FXYD4: variants seen among roughly 807,000 people sequenced by gnomAD.
FXYD4 encodes the protein FXYD domain containing ion transport regulator 4.
FXYD4 carries 14 observed loss-of-function variants against 18.3 expected under a neutral mutation model. That is an observed-to-expected ratio of 0.77 (90% confidence interval 0.51 to 1.20). The LOEUF (loss-of-function observed/expected upper bound fraction) is 1.20. Among genes scored for constraint, FXYD4 ranks in the 50% most tolerant of loss-of-function variants. The pLI is 0.00. For synonymous variants in FXYD4, 40 were observed against 40.5 expected (o/e 0.99, Z 0.04); for missense variants, 99 against 106.1 (o/e 0.93, Z 0.29).
At chr10:43,373,200 C>T (rs1232659669) in intron 2 of FXYD4, among the ~76,000 whole-genome samples, 1 of 152,174 alleles carries the variant, frequency 6.6e-6, no homozygotes, top group East Asian at 1.9e-4. Context: ...CTCTGGCCAC[C>T]CCAGGCCCAG....
At chr10:43,373,072 C>G (rs753846270) in intron 2 of FXYD4, among the ~76,000 whole-genome samples, 1 of 152,086 alleles carries the variant, frequency 6.6e-6, no homozygotes, top group African/African-American at 2.4e-5. Context: ...CCTGCCAGGG[C>G]TGGCAGGGGA....
At chr10:43,375,409 G>A (rs990863320) in intron 5 of FXYD4, 90 bp from the exon 6 acceptor site, 34 of 943,252 alleles carry the variant, frequency 3.6e-5, no homozygotes, top group Admixed American at 1.1e-4. Flanking sequence ...ATATGGCAGC[G>A]GCTGGCACAA....
In FXYD4 at chr10:43,376,258, C is replaced by A; in HGVS notation, c.*92C>A. On this transcript the variant is annotated 3_prime_UTR_variant, in exon 9 of 9. Transcript: ENST00000476166. The stretch of plus-strand genomic sequence containing the variant: ...AGGCCTTATCCTCAAGGAAGGACTT[C>A]TCTCCAAGGGCAGGCTGTTAGGCCC... The A allele has an allele frequency of 7.1e-7, 1 of 1,407,262 alleles. No individual in the cohort carries two copies. Among genetic ancestry groups the A allele is most frequent in the Non-Finnish European group, 1.0e-6 (1 of 998,220 alleles). 87.2% of individuals were successfully genotyped at this position (1,407,262 alleles called of 1,614,324 possible).
intron 7 of FXYD4, 74 bp downstream of exon 7, chr10:43,375,808 A>G (rs1310018907): frequency 2.0e-6 from 3 of 1,470,064 alleles, no homozygotes; most frequent in Non-Finnish European, 2.9e-6. Flanking sequence ...TGGAGAGTGG[A>G]CAGCATCCTG....
chr10:43,375,900 G>A, intron 7 of FXYD4, 132 bp from the exon 8 acceptor site: 1 of 1,222,592 alleles, frequency 8.2e-7, no homozygotes, highest in Non-Finnish European at 1.2e-6. Context: ...TCTGACCTCG[G>A]TATTGTGGGA....
At position 43,374,655 on chromosome 10, in the gene FXYD4, C is replaced by A. The variant is rs1564388860; in HGVS notation, c.97+16C>A. On this transcript the variant is annotated intron_variant, in intron 5 of 8. Transcript: ENST00000476166. ...TTCTACTATGGTAAGAGCTGATATT[C>A]CCACCCCCACCCTACCCTTGCCTAT... is the stretch of plus-strand genomic sequence containing the variant. 1.3e-6 allele frequency: 2 copies of A among 1,594,868 alleles called. No homozygotes were observed. The highest frequency in any genetic ancestry group is 4.5e-5 in the East Asian group (2 of 44,762).
chr10:43,372,485 A>G (rs1479203947), intron 1 of FXYD4, among the ~76,000 whole-genome samples: 2 of 152,026 alleles, frequency 1.3e-5, no homozygotes, highest in Non-Finnish European at 2.9e-5. Flanking sequence ...GGGTTTTGCC[A>G]TGTTGGCCAG....
rs1018219838 is a variant in FXYD4, at chr10:43,376,152, G to A, written c.256G>A (p.Ala86Thr). The A allele has an allele frequency of 3.7e-6, 6 of 1,613,734 alleles. No individual in the cohort carries two copies. Among genetic ancestry groups the A allele is most frequent in the Non-Finnish European group, 5.1e-6 (6 of 1,179,986 alleles). ...CTGCCCGCCACTCTCCGCAGGCTCTGCCACTACTTGCTGAGCACAGGACTG... is the reference window on the plus strand; with the variant it reads ...CTGCCCGCCACTCTCCGCAGGCTCTACCACTACTTGCTGAGCACAGGACTG... ...KAIPLITPGSATTC is the reference protein window; with the variant it reads ...KAIPLITPGSTTTC Residue 86 changes from alanine to threonine, a missense_variant, in exon 9 of 9, where the codon GCC (alanine) becomes ACC (threonine). Physicochemically the swap from Ala to Thr is moderately conservative, Grantham distance 58. Coordinates refer to ENST00000476166, the MANE Select transcript of FXYD4 (RefSeq NM_173160.3).
At chr10:43,375,165 T>G (rs909073563) in intron 5 of FXYD4, among the ~76,000 whole-genome samples, 1 of 151,688 alleles carries the variant, frequency 6.6e-6, no homozygotes, top group African/African-American at 2.4e-5. Context: ...TAGCTGGGAC[T>G]ACAGGCGCCT....
At chr10:43,375,021 C>CTTTT (rs964746350) in intron 5 of FXYD4, among the ~76,000 whole-genome samples, 134 of 93,556 alleles carry the variant, frequency 1.4e-3, no homozygotes, top group Non-Finnish European at 1.8e-3. Flanking sequence ...ATGTCCACTT[C>CTTTT]TTTTTTTTTT....
At chr10:43,371,793 T>C (rs1047756708) in intron 1 of FXYD4, 96 bp downstream of exon 1, 2 of 152,120 alleles carry the variant, frequency 1.3e-5, no homozygotes, top group African/African-American at 4.8e-5. Flanking sequence ...TGAGGACAGA[T>C]ATGGCTGCAG....
chr10:43,375,549 A>T lies in FXYD4; in HGVS notation c.148A>T (p.Ile50Phe), dbSNP rs1176800508. Residue 50 changes from isoleucine to phenylalanine, a missense_variant, in exon 6 of 9, where the codon ATT becomes TTT. Physicochemically the swap from Ile to Phe is conservative, Grantham distance 21. Transcript: ENST00000476166. ...ACTGATCTGCGGAGGGCTCCTGGCC[A>T]TTGCTGGGATCGCGGCAGTTCTGAG... The part of the protein sequence containing the change: ...SGLICGGLLA[I>F]AGIAAVLSGK... 6.2e-7 allele frequency: 1 copy of T among 1,613,990 alleles called. No homozygotes were observed. Among genetic ancestry groups the T allele is most frequent in the Admixed American group, 1.7e-5 (1 of 60,006 alleles).
chr10:43,374,534 C>G (rs1837845097), intron 4 of FXYD4, 32 bp downstream of exon 4: 1 of 1,613,316 alleles, frequency 6.2e-7, no homozygotes, highest in Admixed American at 1.7e-5. Context: ...CCTGCCCACT[C>G]TGCCCACATC....
chr10:43,375,668 T>G lies in FXYD4; in HGVS notation c.173-27T>G, dbSNP rs1481614890. The G allele has an allele frequency of 6.8e-6, 11 of 1,613,728 alleles. No individual in the cohort carries two copies. The East Asian group carries it at 2.5e-4, about 36-fold the overall frequency. ...AGTGCTCTCATTCCAGCACTGACCC[T>G]GGCGCTGACCCCTCTCTCTCTCCCA... On this transcript the variant is annotated intron_variant, in intron 6 of 8. Transcript: ENST00000476166.
At position 43,374,451 on chromosome 10, in the gene FXYD4, C is replaced by T; in HGVS notation, c.38-19C>T. ...AGTGTCATGAATTCCCACACATTTTCTCTGCTCCTCCCACACAGGCCTGAC... is the reference window on the plus strand; with the variant it reads ...AGTGTCATGAATTCCCACACATTTTTTCTGCTCCTCCCACACAGGCCTGAC... On this transcript the variant is annotated intron_variant, in intron 3 of 8. Coordinates refer to ENST00000476166, the MANE Select transcript of FXYD4 (RefSeq NM_173160.3). The T allele has an allele frequency of 6.2e-7, 1 of 1,613,622 alleles. No individual in the cohort carries two copies. The highest frequency in any genetic ancestry group is 8.5e-7 in the Non-Finnish European group (1 of 1,179,616).
intron 1 of FXYD4, among the ~76,000 whole-genome samples, 184 bp downstream of exon 1, chr10:43,371,881 G>A (rs996300893): frequency 6.6e-6 from 1 of 151,946 alleles, no homozygotes; most frequent in Admixed American, 6.6e-5. Context: ...ACAGAAGCCA[G>A]CCCTTGGCTA....
chr10:43,376,315 A>C lies in FXYD4; in HGVS notation c.*149A>C. The C allele has an allele frequency of 1.3e-6, 1 of 768,156 alleles. No homozygotes were observed. Among genetic ancestry groups the C allele is most frequent in the South Asian group, 1.5e-5 (1 of 64,602 alleles). The allele number at this position is 768,156 out of a possible 1,614,324, so 47.6% of individuals were successfully genotyped here. On this transcript the variant is annotated 3_prime_UTR_variant, in exon 9 of 9. Coordinates refer to ENST00000476166, the MANE Select transcript of FXYD4 (RefSeq NM_173160.3). ...GATCAGGAGGCTTCTTTATGAATTAAACTCGCCCCACCACCCCCTCCTCGG... is the reference window on the plus strand; with the variant it reads ...GATCAGGAGGCTTCTTTATGAATTACACTCGCCCCACCACCCCCTCCTCGG...
intron 2 of FXYD4, among the ~76,000 whole-genome samples, chr10:43,373,216 T>C (rs1341571031): frequency 6.6e-6 from 1 of 152,032 alleles, no homozygotes; most frequent in Non-Finnish European, 1.5e-5. Context: ...CCCAGACCTT[T>C]GGGAACAATA....
In FXYD4 at chr10:43,375,730, C is replaced by T. The variant is rs755769154; in HGVS notation, c.208C>T (p.His70Tyr). The T allele has an allele frequency of 4.5e-5, 73 of 1,614,032 alleles. 1 individual carries two copies. The Middle Eastern group carries it at 2.5e-3, about 55-fold the overall frequency. ...CAAATGCAAGAGCAGCCAGAAGCAGCACAGGTGAGCCTGACCCTATGGTGC... is the reference window on the plus strand; with the variant it reads ...CAAATGCAAGAGCAGCCAGAAGCAGTACAGGTGAGCCTGACCCTATGGTGC... ...KCKCKSSQKQ[H>Y]SPVPEKAIPL... The change falls in exon 7 of 9, where the codon CAC becomes TAC. Residue 70 changes from histidine to tyrosine, a missense_variant. Transcript: ENST00000476166.
Sources: allele counts gnomAD v4.1 joint callset (sites outside exome capture counted in the v4.1 genomes callset), GRCh38; gene constraint gnomAD v4.1.1; transcripts MANE v1.5; gene names NCBI Gene and HGNC (gene_info 2026-07-23, HGNC 2026-07-21).